Variants in SHANK2 observed in about 807,000 individuals in gnomAD.
SHANK2 encodes SH3 and multiple ankyrin repeat domains 2.
Under a neutral mutation model 133.7 loss-of-function variants are expected in SHANK2, and 43 were observed. That is an observed-to-expected ratio of 0.32 (90% CI 0.25 to 0.41). The LOEUF (loss-of-function observed/expected upper bound fraction) is 0.41, where lower values mean the gene tolerates loss of function less well. Among genes scored for constraint, SHANK2 ranks in the 10% least tolerant of loss-of-function variants. The pLI is 1.00. For missense variants in SHANK2, 1,994 were observed against 2,235.8 expected (o/e 0.89, Z 2.18); for synonymous variants, 1,017 against 952.8 (o/e 1.07, Z -1.24).
rs1306725216 is a variant in SHANK2 at position 70,471,645 on chromosome 11, A to C, written c.*1224T>G. 3 of 371,440 alleles carry C rather than the reference A, an allele frequency of 8.1e-6. No individual in the cohort carries two copies. The highest frequency in any genetic ancestry group is 6.2e-5 in the African/African-American group (3 of 48,086). 23.0% of individuals were successfully genotyped at this position (371,440 alleles called of 1,614,324 possible). ...CTCCATACCCACTGGGTCCTCAAAGAAGCTGTTGTACTGTTAAGACAAGCT... is the reference window on the plus strand; with the variant it reads ...CTCCATACCCACTGGGTCCTCAAAGCAGCTGTTGTACTGTTAAGACAAGCT... On this transcript the variant is annotated 3_prime_UTR_variant, in exon 26 of 26. Transcript: ENST00000601538. The surrounding 1 kb of genome is among the most constrained non-coding windows in gnomAD (Gnocchi z 4.1).
At chr11:71,234,777 G>C (rs541541715) in intron 1 of SHANK2, among the ~76,000 whole-genome samples, 1 of 152,100 alleles carries the variant, frequency 6.6e-6, no homozygotes, top group African/African-American at 2.4e-5. Context: ...CCAGAGTCCC[G>C]GGCACTGGAG....
chr11:70,748,927 T>C (rs1555036859), intron 14 of SHANK2, among the ~76,000 whole-genome samples: 1 of 152,138 alleles, frequency 6.6e-6, no homozygotes, highest in Non-Finnish European at 1.5e-5. Context: ...TAGGACACTG[T>C]AGAACAACCC....
chr11:70,806,362 A>C (rs3019846), intron 13 of SHANK2, among the ~76,000 whole-genome samples: 35,784 of 152,172 alleles, frequency 0.24, 6,565 homozygotes, highest in African/African-American at 0.51. Flanking sequence ...GCCTCAGATG[A>C]CACCACTGCC....
intron 17 of SHANK2, among the ~76,000 whole-genome samples, chr11:70,556,034 T>C (rs924543059): frequency 6.6e-6 from 1 of 152,254 alleles, no homozygotes; most frequent in Non-Finnish European, 1.5e-5. Context: ...CAAGTGCTGA[T>C]GGAGAAGCTG....
chr11:70,944,407 G>C (rs1433272781), intron 10 of SHANK2, among the ~76,000 whole-genome samples: 1 of 152,194 alleles, frequency 6.6e-6, no homozygotes, highest in African/African-American at 2.4e-5. Flanking sequence ...CCCTCTCTGG[G>C]TGAAGCTCCT....
chr11:70,892,530 A>C (rs653216), intron 11 of SHANK2, among the ~76,000 whole-genome samples: 138,408 of 152,232 alleles, frequency 0.91, 63,740 homozygotes, highest in Non-Finnish European at 0.98. Flanking sequence ...CTCAGCTTCA[A>C]CAAGGAGGCA....
chr11:70,847,692 G>A (rs11237691), intron 11 of SHANK2, among the ~76,000 whole-genome samples: 35,502 of 152,126 alleles, frequency 0.23, 4,886 homozygotes, highest in East Asian at 0.32. Flanking sequence ...CTCAGGTTCC[G>A]AGTTCACAAG....
intron 1 of SHANK2, among the ~76,000 whole-genome samples, chr11:71,246,641 T>C (rs1393056841): frequency 6.6e-6 from 1 of 152,026 alleles, no homozygotes; most frequent in African/African-American, 2.4e-5. Context: ...TTTCCTGAAA[T>C]TGCTCAGTGG....
chr11:70,714,633 G>A (rs908495910), intron 14 of SHANK2, among the ~76,000 whole-genome samples: 1 of 152,180 alleles, frequency 6.6e-6, no homozygotes. Context: ...AATCAGGTGT[G>A]ATCTGATCAT....
rs1330810826 is a variant in SHANK2 at position 70,779,003 on chromosome 11, TACCA to T, written c.1777+19436_1777+19439del. On this transcript the variant is annotated intron_variant, in intron 14 of 25. Coordinates refer to ENST00000601538, the MANE Select transcript of SHANK2 (RefSeq NM_012309.5). ...AAAGGACAGGGTTGGTACCCAGCAT[TACCA>T]GGTTGCCATAGTAACCCAGAGCAGG... is the stretch of plus-strand genomic sequence containing the variant. Among the ~76,000 whole-genome samples the T allele has an allele frequency of 5.9e-5, 9 of 152,026 alleles. No individual in the cohort carries two copies. In the Middle Eastern group the frequency reaches 0.017, roughly 287 times the overall value.
intron 17 of SHANK2, among the ~76,000 whole-genome samples, chr11:70,520,579 C>G (rs933283141): frequency 1.3e-5 from 2 of 152,166 alleles, no homozygotes; most frequent in African/African-American, 4.8e-5. Context: ...GCTCACTGGG[C>G]TCCCCCGCTG....
chr11:70,633,022 C>T lies in SHANK2; in HGVS notation c.2061+26806G>A, dbSNP rs372471884. Among the ~76,000 whole-genome samples the T allele has an allele frequency of 3.7e-4, 56 of 152,020 alleles. 1 individual carries two copies. Among genetic ancestry groups the T allele is most frequent in the African/African-American group, 1.3e-3 (54 of 41,440 alleles). ...TCATTGAGGAGAGAGGTCCTGGGAT[C>T]CCCAGACCTGGGCATGAGGGGGCTG... On this transcript the variant is annotated intron_variant, in intron 17 of 25. Coordinates refer to ENST00000601538, the MANE Select transcript of SHANK2 (RefSeq NM_012309.5).
At position 70,551,882 on chromosome 11, in the gene SHANK2, G is replaced by A. The variant is rs574151990; in HGVS notation, c.2062-48951C>T. The stretch of plus-strand genomic sequence containing the variant: ...AGGAGTGCTGGGCTAGGACCCTGCC[G>A]TATGGCCTTGAGGCTGGAGGGCTGG... On this transcript the variant is annotated intron_variant, in intron 17 of 25. Coordinates refer to ENST00000601538, the MANE Select transcript of SHANK2 (RefSeq NM_012309.5). 3.9e-5 allele frequency among the ~76,000 whole-genome samples: 6 copies of A among 152,166 alleles called. No individual in the cohort carries two copies. In the East Asian group the frequency reaches 7.7e-4, roughly 20 times the overall value.
At chr11:70,952,373 C>G (rs80153740) in intron 10 of SHANK2, among the ~76,000 whole-genome samples, 3,389 of 152,308 alleles carry the variant, frequency 0.022, 57 homozygotes, top group Non-Finnish European at 0.031. Flanking sequence ...GGACACAACA[C>G]AAAACCTTTC....
At chr11:70,626,940 T>C (rs899583231) in intron 17 of SHANK2, among the ~76,000 whole-genome samples, 2 of 152,164 alleles carry the variant, frequency 1.3e-5, no homozygotes, top group African/African-American at 4.8e-5. Context: ...TCCCAGGTCC[T>C]CCGTCAGCAC....
rs1294695755 is a variant in SHANK2, at chr11:70,546,346, A to G, written c.2062-43415T>C. ...CTGAGCCTTCTGCACCTCTAGAATC[A>G]TGTGGTTGGTTTTTCTGGTGACCAG... is the stretch of plus-strand genomic sequence containing the variant. On this transcript the variant is annotated intron_variant, in intron 17 of 25. Transcript: ENST00000601538. Among the ~76,000 whole-genome samples, 3 of 152,030 alleles carry G rather than the reference A, an allele frequency of 2.0e-5. No homozygotes were observed. In the East Asian group the frequency reaches 5.8e-4, roughly 29 times the overall value.
At chr11:71,249,289 C>A (rs1360450303) in intron 1 of SHANK2, among the ~76,000 whole-genome samples, 1 of 152,230 alleles carries the variant, frequency 6.6e-6, no homozygotes, top group Non-Finnish European at 1.5e-5. Flanking sequence ...CCTTCCCTTT[C>A]TTCCACAAAT....
chr11:70,753,811 A>ACTGTGT lies in SHANK2; in HGVS notation c.1777+44631_1777+44632insACACAG, dbSNP rs71049937. Among the ~76,000 whole-genome samples, 22 of 144,668 alleles carry ACTGTGT rather than the reference A, an allele frequency of 1.5e-4. 1 individual carries two copies. The highest frequency in any genetic ancestry group is 2.0e-4 in the East Asian group (1 of 4,984). 94.9% of individuals were successfully genotyped at this position (144,668 alleles called of 152,430 possible). A position where few individuals can be genotyped will look rare whatever the true frequency, so the allele number is the denominator to read the frequency against. ...TGTCTTACATCTATTAAAGATATTA[A>ACTGTGT]GTGTGTGTGTGTGTGTTTGAGACAG... On this transcript the variant is annotated intron_variant, in intron 14 of 25. Transcript: ENST00000601538.
At chr11:70,864,045 C>T (rs1030522810) in intron 11 of SHANK2, 36 of 354,226 alleles carry the variant, frequency 1.0e-4, no homozygotes, top group Non-Finnish European at 1.5e-4. Context: ...TCAGTCTCTA[C>T]GACCTGGGCA....
Sources: allele counts gnomAD v4.1 joint callset (sites outside exome capture counted in the v4.1 genomes callset), GRCh38; gene constraint gnomAD v4.1.1; non-coding constraint Gnocchi (gnomAD v3.1); transcripts MANE v1.5; gene names NCBI Gene and HGNC (gene_info 2026-07-23, HGNC 2026-07-21).